Variants in ACAN observed in about 807,000 individuals in gnomAD.
ACAN encodes the protein aggrecan.
In ACAN, 47 loss-of-function variants were observed where a neutral mutation model predicts 169.1. That is an observed-to-expected ratio of 0.28 (90% CI 0.22 to 0.35). The LOEUF is 0.35. ACAN is among the 10% of genes least tolerant of loss of function. ACAN has a pLI of 1.00. For synonymous variants in ACAN, 1,115 were observed against 1,112.2 expected (o/e 1.00, Z -0.05); for missense variants, 2,716 against 2,759.9 (o/e 0.98, Z 0.36).
Position 88,857,666 on chromosome 15 carries a change from G to C in ACAN, c.5081G>C (p.Gly1694Ala). Residue 1694 changes from glycine to alanine, a missense_variant, in exon 12 of 19, where the codon GGA (glycine) becomes GCA (alanine). Physicochemically the swap from Gly to Ala is moderately conservative, Grantham distance 60. Around this residue, in one of 3 missense-constraint regions of ACAN, gnomAD observed 1,389 missense variants for 1,363.7 expected, o/e 1.02. Coordinates refer to ENST00000560601, the MANE Select transcript of ACAN (RefSeq NM_001369268.1). ...ATCAGTGGTGCAGGAGAAATATCTG[G>C]ACTGCCCTCCAGTGAGCTGGACATT... ...IGISGAGEIS[G>A]LPSSELDISG... 6.2e-7 allele frequency: 1 copy of C among 1,614,000 alleles called. No homozygotes were observed. Among genetic ancestry groups the C allele is most frequent in the South Asian group, 1.1e-5 (1 of 91,080 alleles).
rs528763651 is a variant in ACAN, at chr15:88,855,514, C to T, written c.2929C>T (p.Pro977Ser). 3.7e-6 allele frequency: 6 copies of T among 1,613,360 alleles called. No individual in the cohort carries two copies. The highest frequency in any genetic ancestry group is 2.7e-5 in the African/African-American group (2 of 74,898). ...ASGVGDLSGLPSGEVLETTAP... is the reference protein window; with the variant it reads ...ASGVGDLSGLSSGEVLETTAP... ...TGGAGTAGGAGACCTCAGTGGGCTTCCTTCTGGAGAAGTTCTAGAGACCAC... is the reference window on the plus strand; with the variant it reads ...TGGAGTAGGAGACCTCAGTGGGCTTTCTTCTGGAGAAGTTCTAGAGACCAC... The change falls in exon 12 of 19, where the codon CCT (proline) becomes TCT (serine). Residue 977 changes from proline (P) to serine (S), a missense_variant. Coordinates refer to ENST00000560601, the MANE Select transcript of ACAN (RefSeq NM_001369268.1).
Position 88,855,044 on chromosome 15 carries a change from C to A in ACAN, c.2459C>A (p.Ser820Ter). Residue 820 changes from serine to a stop codon, truncating the protein, a stop_gained, in exon 12 of 19, where the codon TCA (serine) becomes TAA (stop). Coordinates refer to ENST00000560601, the MANE Select transcript of ACAN (RefSeq NM_001369268.1). LOFTEE classifies it high-confidence loss of function. ...TTCCCCTCAGTGGAGCTGTTCCCCTCAGAGGAGCCATTCCCCTCCAAGGAG... is the reference window on the plus strand; with the variant it reads ...TTCCCCTCAGTGGAGCTGTTCCCCTAAGAGGAGCCATTCCCCTCCAAGGAG... ...RPFPSVELFP[S>*]EEPFPSKEPS... is the part of the protein sequence containing the mutation. 1 of 1,593,382 alleles carries A rather than the reference C, an allele frequency of 6.3e-7. No individual in the cohort carries two copies. Among genetic ancestry groups the A allele is most frequent in the Non-Finnish European group, 8.5e-7 (1 of 1,170,954 alleles).
At chr15:88,818,842 G>C (rs1468060418) in intron 1 of ACAN, among the ~76,000 whole-genome samples, 6 of 152,144 alleles carry the variant, frequency 3.9e-5, no homozygotes, top group African/African-American at 1.2e-4. Context: ...TGGTGATAAT[G>C]GTTGCATAAC....
At position 88,827,234 on chromosome 15, in the gene ACAN, C is replaced by T. The variant is rs574348337; in HGVS notation, c.-7-8966C>T. ...AGAGCTCTGTGGCAAGCCGTGGAGA[C>T]GGCAGTGGCAGATTAGGCTCTTCCT... On this transcript the variant is annotated intron_variant, in intron 1 of 18. Transcript: ENST00000560601. Among the ~76,000 whole-genome samples the T allele has an allele frequency of 6.8e-4, 103 of 152,244 alleles. 1 individual carries two copies. In the South Asian group the frequency reaches 0.011, roughly 17 times the overall value.
rs1391289732 is a variant in ACAN at position 88,855,300 on chromosome 15, T to C, written c.2715T>C (p.Thr905=). 1 of 1,611,676 alleles carries C rather than the reference T, an allele frequency of 6.2e-7. No individual in the cohort carries two copies. Among genetic ancestry groups the C allele is most frequent in the Non-Finnish European group, 8.5e-7 (1 of 1,178,370 alleles). ...GAGACCTGGACTCCAGTGGTCTTAC[T>C]TCCACAGTGGGCTCAGGCCTGCCTG... ...PSGDLDSSGL[T]STVGSGLPVE... is the part of the protein sequence containing the mutation. Residue 905 remains threonine (T), a synonymous_variant, in exon 12 of 19, where the codon ACT becomes ACC. Coordinates refer to ENST00000560601, the MANE Select transcript of ACAN (RefSeq NM_001369268.1).
Position 88,839,098 on chromosome 15 carries a change from A to G in ACAN, c.454+52A>G. ...CTGCTTCACCCACATAAAGAACCAG[A>G]GCAGTCTCCGCAGTGCAGGCGCAGG... On this transcript the variant is annotated intron_variant, in intron 3 of 18. Transcript: ENST00000560601. The surrounding 1 kb of genome is among the most constrained non-coding windows in gnomAD (Gnocchi z 4.5). 2 of 1,584,146 alleles carry G rather than the reference A, an allele frequency of 1.3e-6. No homozygotes were observed. The highest frequency in any genetic ancestry group is 3.4e-5 in the Admixed American group (2 of 59,490).
intron 1 of ACAN, among the ~76,000 whole-genome samples, chr15:88,834,160 G>C (rs1057028456): frequency 6.6e-6 from 1 of 152,194 alleles, no homozygotes; most frequent in African/African-American, 2.4e-5. Context: ...TCCCTAAGGA[G>C]ACACAGGGGC....
Position 88,858,385 on chromosome 15 carries a change from G to A in ACAN, c.5800G>A (p.Val1934Ile), listed in dbSNP as rs76282091. 5 of 1,613,718 alleles carry A rather than the reference G, an allele frequency of 3.1e-6. No homozygotes were observed. Among genetic ancestry groups the A allele is most frequent in the Non-Finnish European group, 3.4e-6 (4 of 1,179,904 alleles). The stretch of plus-strand genomic sequence containing the variant: ...TGGAACTCCATCTAGTTTCCCCACT[G>A]TCTCTCTTGTAGACAGAACTTTGGT... ...GSGTPSSFPT[V>I]SLVDRTLVES... Residue 1934 changes from valine to isoleucine, a missense_variant, in exon 12 of 19, where the codon GTC (valine) becomes ATC (isoleucine). This residue lies in a region of ACAN where 1,389 missense variants were observed against 1,363.7 expected (regional missense o/e 1.02). Transcript: ENST00000560601. This position sits in a 1 kb window ranked among gnomAD's most constrained non-coding sequence, Gnocchi z 4.0.
At chr15:88,860,505 A>C in intron 13 of ACAN, 66 bp downstream of exon 13, 1 of 1,429,766 alleles carries the variant, frequency 7.0e-7, no homozygotes, top group Non-Finnish European at 9.7e-7. Flanking sequence ...CATCCCCCAA[A>C]GGGTCCCCAG....
intron 13 of ACAN, among the ~76,000 whole-genome samples, chr15:88,862,349 T>G (rs1010164626): frequency 6.6e-6 from 1 of 152,162 alleles, no homozygotes; most frequent in Non-Finnish European, 1.5e-5. Context: ...TTTTTAAAAC[T>G]CCCAGGCGAC....
Position 88,872,816 on chromosome 15 carries a change from A to G in ACAN, c.7303-65A>G. ...GATGAAGAGGCTCCACGGGGAAGACAGTCGGAGCAGGCCAACCCGCACTGT... is the reference window on the plus strand; with the variant it reads ...GATGAAGAGGCTCCACGGGGAAGACGGTCGGAGCAGGCCAACCCGCACTGT... On this transcript the variant is annotated intron_variant, in intron 16 of 18. Coordinates refer to ENST00000560601, the MANE Select transcript of ACAN (RefSeq NM_001369268.1). The surrounding 1 kb of genome is among the most constrained non-coding windows in gnomAD (Gnocchi z 5.4). The G allele has an allele frequency of 6.4e-7, 1 of 1,555,418 alleles. No homozygotes were observed. Among genetic ancestry groups the G allele is most frequent in the Middle Eastern group, 2.3e-4 (1 of 4,342 alleles).
intron 1 of ACAN, among the ~76,000 whole-genome samples, chr15:88,809,968 A>G (rs1328248379): frequency 1.3e-5 from 2 of 152,232 alleles, no homozygotes; most frequent in East Asian, 1.9e-4. Flanking sequence ...GCCACTAGCC[A>G]AAGGGGTGGA....
At chr15:88,834,425 T>C (rs1045532806) in intron 1 of ACAN, among the ~76,000 whole-genome samples, 4 of 152,066 alleles carry the variant, frequency 2.6e-5, no homozygotes, top group Non-Finnish European at 5.9e-5. Context: ...CCAACACCCC[T>C]CCTGAGCCTA....
rs780795750 is a variant in ACAN at position 88,855,407 on chromosome 15, C to T, written c.2822C>T (p.Ala941Val). ...ACGGTTGGTGAACTGCCCTCTGGAGCTGAGATCCTAGAGGGCTCTGCCTCT... is the reference window on the plus strand; with the variant it reads ...ACGGTTGGTGAACTGCCCTCTGGAGTTGAGATCCTAGAGGGCTCTGCCTCT... ...TPTVGELPSG[A>V]EILEGSASGV... The change falls in exon 12 of 19, where the codon GCT becomes GTT. Residue 941 changes from alanine to valine, a missense_variant. Around this residue, in one of 3 missense-constraint regions of ACAN, gnomAD observed 1,283 missense variants for 1,281.5 expected, o/e 1.00. Transcript: ENST00000560601. The T allele has an allele frequency of 3.1e-6, 5 of 1,613,654 alleles. No individual in the cohort carries two copies. The highest frequency in any genetic ancestry group is 4.2e-6 in the Non-Finnish European group (5 of 1,179,842).
rs912031300 is a variant in ACAN, at chr15:88,857,862, C to T, written c.5277C>T (p.Ser1759=). ...TSGVTELSGL[S]SGQPGISGEA... Reference sequence around the variant, plus strand: ...GAGTGACTGAGCTTAGCGGGCTGTCCTCTGGACAACCAGGTATTAGTGGAG... The same window carrying T: ...GAGTGACTGAGCTTAGCGGGCTGTCTTCTGGACAACCAGGTATTAGTGGAG... The change falls in exon 12 of 19, where the codon TCC becomes TCT. Residue 1759 remains serine (S), a synonymous_variant. Coordinates refer to ENST00000560601, the MANE Select transcript of ACAN (RefSeq NM_001369268.1). 2 of 1,613,608 alleles carry T rather than the reference C, an allele frequency of 1.2e-6. No homozygotes were observed. Among genetic ancestry groups the T allele is most frequent in the East Asian group, 2.2e-5 (1 of 44,892 alleles).
intron 1 of ACAN, among the ~76,000 whole-genome samples, chr15:88,832,501 C>G (rs1473857564): frequency 1.3e-5 from 2 of 152,070 alleles, no homozygotes; most frequent in Non-Finnish European, 2.9e-5. Context: ...GTCTCAACTA[C>G]TCGATGGTTG....
intron 1 of ACAN, among the ~76,000 whole-genome samples, chr15:88,826,758 C>G (rs927341967): frequency 6.6e-6 from 1 of 152,176 alleles, no homozygotes; most frequent in African/African-American, 2.4e-5. Context: ...TCTGAAATTC[C>G]ATGAGAACAT....
intron 1 of ACAN, among the ~76,000 whole-genome samples, chr15:88,833,177 A>C (rs1326815055): frequency 2.0e-5 from 3 of 152,198 alleles, no homozygotes; most frequent in Admixed American, 6.5e-5. Context: ...TGAGGAGGTG[A>C]AGGTTTCCTT....
At position 88,843,296 on chromosome 15, in the gene ACAN, G is replaced by GCCGT; in HGVS notation, c.758-59_758-58insCCGT. 1 of 1,403,440 alleles carries GCCGT rather than the reference G, an allele frequency of 7.1e-7. No individual in the cohort carries two copies. 86.9% of individuals were successfully genotyped at this position (1,403,440 alleles called of 1,614,324 possible). A position where few individuals can be genotyped will look rare whatever the true frequency, so the allele number is the denominator to read the frequency against. On this transcript the variant is annotated intron_variant, in intron 5 of 18. Coordinates refer to ENST00000560601, the MANE Select transcript of ACAN (RefSeq NM_001369268.1). This position sits in a 1 kb window ranked among gnomAD's most constrained non-coding sequence, Gnocchi z 4.0. ...GTGGAAAAGTGTGGATCTCTCTGGGGATGCAGAGCAGGGGGAGGGGGGAGA... is the reference window on the plus strand; with the variant it reads ...GTGGAAAAGTGTGGATCTCTCTGGGGCCGTATGCAGAGCAGGGGGAGGGGGGAGA...
Sources: allele counts gnomAD v4.1 joint callset (sites outside exome capture counted in the v4.1 genomes callset), GRCh38; gene constraint gnomAD v4.1.1; regional missense constraint gnomAD v4.1.1; non-coding constraint Gnocchi (gnomAD v3.1); transcripts MANE v1.5; gene names NCBI Gene and HGNC (gene_info 2026-07-23, HGNC 2026-07-21).